BRAF: variants seen among roughly 807,000 people sequenced by gnomAD.
BRAF encodes the protein serine/threonine-protein kinase B-raf.
A neutral mutation model predicts 104.6 loss-of-function variants in BRAF; 16 were observed. The observed-to-expected ratio is 0.15, with a 90% CI of 0.10 to 0.23. BRAF has a LOEUF of 0.23. Ranked by LOEUF, BRAF falls within the 10% of genes least tolerant of loss-of-function variation. The pLI is 1.00. For missense variants in BRAF, 541 were observed against 937.3 expected (o/e 0.58, Z 5.52); for synonymous variants, 310 against 341.6 (o/e 0.91, Z 1.02).
intron 3 of BRAF, 88 bp from the exon 4 acceptor site, chr7:140,809,083 A>T: frequency 9.5e-7 from 1 of 1,054,848 alleles, no homozygotes; most frequent in Non-Finnish European, 1.4e-6. Context: ...ATTCATCTTT[A>T]AAAAGTCAAA....
At chr7:140,778,116 A>T in intron 12 of BRAF, 41 bp from the exon 12 acceptor site, 1 of 1,592,414 alleles carries the variant, frequency 6.3e-7, no homozygotes. Context: ...TTCAATTTTT[A>T]AAATTTAAAA....
chr7:140,739,935 C>T lies in BRAF; in HGVS notation c.2124G>A (p.Met708Ile). Residue 708 changes from methionine to isoleucine, a missense_variant, in exon 18 of 20, where the codon ATG (methionine) becomes ATA (isoleucine). Around this residue, in one of 10 missense-constraint regions of BRAF, gnomAD observed 129 missense variants for 285.8 expected, o/e 0.45. Transcript: ENST00000644969. ...NINNRDQIIF[M>I]VGRGYLSPDL... Reference sequence around the variant, plus strand: ...CTGGAGACAGGTATCCTCGTCCCACCATAAAAATTATCTGGAGAGAGAAAA... The same window carrying T: ...CTGGAGACAGGTATCCTCGTCCCACTATAAAAATTATCTGGAGAGAGAAAA... The T allele has an allele frequency of 6.2e-7, 1 of 1,613,502 alleles. No homozygotes were observed. The highest frequency in any genetic ancestry group is 2.2e-5 in the East Asian group (1 of 44,854).
At chr7:140,892,570 T>C (rs1330455386) in intron 1 of BRAF, among the ~76,000 whole-genome samples, 2 of 152,190 alleles carry the variant, frequency 1.3e-5, no homozygotes, top group African/African-American at 2.4e-5. Flanking sequence ...GGAGAACACT[T>C]TGAATATTCA....
chr7:140,780,263 A>C (rs1267641), intron 12 of BRAF: 4 of 143,312 alleles, frequency 2.8e-5, no homozygotes, highest in African/African-American at 1.0e-4. Context: ...TTTTTTTTTT[A>C]AGACAGTCTC....
chr7:140,761,471 C>A (rs530201071), intron 14 of BRAF, among the ~76,000 whole-genome samples: 2 of 152,062 alleles, frequency 1.3e-5, no homozygotes, highest in South Asian at 2.1e-4. Context: ...TAGGAAGAAA[C>A]TGCATCAACT....
chr7:140,769,546 C>CG (rs1799641607), intron 14 of BRAF, among the ~76,000 whole-genome samples: 1 of 152,188 alleles, frequency 6.6e-6, no homozygotes, highest in South Asian at 2.1e-4. Flanking sequence ...TAAGTGGTCT[C>CG]ATGCTGCAGC....
intron 1 of BRAF, among the ~76,000 whole-genome samples, chr7:140,917,470 A>G (rs1817747470): frequency 6.6e-6 from 1 of 152,184 alleles, no homozygotes; most frequent in Non-Finnish European, 1.5e-5. Flanking sequence ...ACTGAGTGCA[A>G]AGAGGAACTA....
intron 1 of BRAF, among the ~76,000 whole-genome samples, chr7:140,920,554 T>C (rs1016045090): frequency 2.0e-5 from 3 of 152,254 alleles, no homozygotes; most frequent in Non-Finnish European, 4.4e-5. Flanking sequence ...TACCCTAATG[T>C]AATTTTTCTG....
At chr7:140,881,218 G>C (rs1812867889) in intron 1 of BRAF, among the ~76,000 whole-genome samples, 1 of 152,100 alleles carries the variant, frequency 6.6e-6, no homozygotes, top group African/African-American at 2.4e-5. Context: ...GAATTCCAAA[G>C]GGCCCTAGGA....
intron 1 of BRAF, among the ~76,000 whole-genome samples, chr7:140,868,397 T>A (rs1387291981): frequency 6.6e-6 from 1 of 152,096 alleles, no homozygotes; most frequent in African/African-American, 2.4e-5. Context: ...TACTTGGTAA[T>A]AAAAAGAAAC....
chr7:140,905,895 C>T (rs996668739), intron 1 of BRAF, among the ~76,000 whole-genome samples: 45 of 150,638 alleles, frequency 3.0e-4, no homozygotes, highest in African/African-American at 9.8e-4. Context: ...GAGACCATCC[C>T]GGCTAAAACG....
chr7:140,886,582 G>A lies in BRAF; in HGVS notation c.139-36370C>T, dbSNP rs575060870. The stretch of plus-strand genomic sequence containing the variant: ...TCACACATGCTATTCCTTCTTCCTG[G>A]AACACTCTTTGCCTAGCACTTTTCT... On this transcript the variant is annotated intron_variant, in intron 1 of 19. Transcript: ENST00000644969. Among the ~76,000 whole-genome samples the A allele has an allele frequency of 1.6e-3, 236 of 152,216 alleles. 2 individuals carry two copies. The highest frequency in any genetic ancestry group is 5.6e-3 in the African/African-American group (231 of 41,548).
chr7:140,873,769 C>A (rs1563008846), intron 1 of BRAF, among the ~76,000 whole-genome samples: 1 of 152,270 alleles, frequency 6.6e-6, no homozygotes, highest in South Asian at 2.1e-4. Context: ...ACAGGAGACA[C>A]AGAGGAGCCC....
At chr7:140,828,203 T>C (rs1041215059) in intron 3 of BRAF, among the ~76,000 whole-genome samples, 3 of 152,210 alleles carry the variant, frequency 2.0e-5, no homozygotes, top group Non-Finnish European at 2.9e-5. Context: ...AAAATTTGTA[T>C]TTCGTGTGAT....
In BRAF at chr7:140,819,324, A is replaced by G. The variant is rs1805222275; in HGVS notation, c.505-10329T>C. 3.3e-5 allele frequency among the ~76,000 whole-genome samples: 5 copies of G among 152,348 alleles called. No individual in the cohort carries two copies. The South Asian group carries it at 1.0e-3, about 32-fold the overall frequency. On this transcript the variant is annotated intron_variant, in intron 3 of 19. Transcript: ENST00000644969. ...ATAAGGGAAATGCAAATAAAACCCA[A>G]AATGAGATACCATTTCATACCCATT...
At chr7:140,884,427 ATATGTGTGTGTGTGTGTGTG>A (rs1435014557) in intron 1 of BRAF, among the ~76,000 whole-genome samples, 3 of 114,578 alleles carry the variant, frequency 2.6e-5, no homozygotes, top group African/African-American at 6.5e-5. Context: ...TATATATAAG[ATATGTGTGTGTGTGTGTGTG>A]TGTGTGTGTG....
chr7:140,832,453 T>C (rs1314347756), intron 3 of BRAF, among the ~76,000 whole-genome samples: 4 of 152,132 alleles, frequency 2.6e-5, no homozygotes, highest in Non-Finnish European at 5.9e-5. Flanking sequence ...TAACTGTTAA[T>C]GTTAATAAGA....
rs546922973 is a variant in BRAF, at chr7:140,744,224, C to T, written c.2113-4278G>A. On this transcript the variant is annotated intron_variant, in intron 17 of 19. Coordinates refer to ENST00000644969, the MANE Select transcript of BRAF (RefSeq NM_001374258.1). ...CAGGAGCTGGAAACTAAGGTCAGCC[C>T]CGCAGGTGGTTAATCATATGACTGA... Among the ~76,000 whole-genome samples the T allele has an allele frequency of 8.5e-5, 13 of 152,324 alleles. No homozygotes were observed. In the East Asian group the frequency reaches 2.5e-3, roughly 29 times the overall value.
At chr7:140,814,838 T>TAAC (rs1804693016) in intron 3 of BRAF, among the ~76,000 whole-genome samples, 1 of 146,506 alleles carries the variant, frequency 6.8e-6, no homozygotes, top group African/African-American at 2.5e-5. Flanking sequence ...ATATTATATA[T>TAAC]ATAAAAGTTT....
Sources: gnomAD v4.1 joint callset for allele counts (sites outside exome capture counted in the v4.1 genomes callset) on GRCh38, gnomAD v4.1.1 for gene constraint, gnomAD v4.1.1 regional missense constraint, MANE v1.5 for transcripts, NCBI Gene and HGNC (gene_info 2026-07-23, HGNC 2026-07-21) for gene names.